MTCL2: variants seen among roughly 807,000 people sequenced by gnomAD.
MTCL2 encodes the protein microtubule cross-linking factor 2.
chr20:36,815,852 A>G, the MTCL2 span: 2 of 1,602,220 alleles, frequency 1.2e-6, no homozygotes, highest in Admixed American at 3.4e-5. This position sits in a 1 kb window ranked among gnomAD's most constrained non-coding sequence, Gnocchi z 5.3. Flanking sequence ...CGAGCTCGGC[A>G]GAGGAGCGCC....
At chr20:36,863,074 C>A in the MTCL2 span, 1 of 1,401,770 alleles carries the variant, frequency 7.1e-7, no homozygotes, top group Non-Finnish European at 9.3e-7. The surrounding 1 kb of genome is among the most constrained non-coding windows in gnomAD (Gnocchi z 6.2). Flanking sequence ...CCGGTGCGGA[C>A]CCCGGCCACC....
the MTCL2 span, chr20:36,812,789 C>A: frequency 1.2e-6 from 2 of 1,613,732 alleles, no homozygotes; most frequent in Non-Finnish European, 1.7e-6. Context: ...GTCACCAGTG[C>A]GGAAAGCCTC....
At chr20:36,827,833 T>C in the MTCL2 span, among the ~76,000 whole-genome samples, 2 of 152,290 alleles carry the variant, frequency 1.3e-5, no homozygotes, top group South Asian at 2.1e-4. Context: ...CCCTTTTCAC[T>C]ATCAAGGGTT....
the MTCL2 span, among the ~76,000 whole-genome samples, chr20:36,810,985 G>A: frequency 1.3e-5 from 2 of 152,072 alleles, no homozygotes; most frequent in African/African-American, 2.4e-5. Flanking sequence ...GCCTCCCAAA[G>A]TGCTGAAATT....
the MTCL2 span, among the ~76,000 whole-genome samples, chr20:36,828,361 A>ATG: frequency 2.0e-5 from 3 of 152,182 alleles, no homozygotes; most frequent in African/African-American, 7.2e-5. Flanking sequence ...GCTCATCCAC[A>ATG]AAATGGGCAT....
the MTCL2 span, among the ~76,000 whole-genome samples, chr20:36,851,230 T>C: frequency 6.6e-6 from 1 of 152,118 alleles, no homozygotes; most frequent in Non-Finnish European, 1.5e-5. Context: ...TATTATACAG[T>C]ATATTGTATA....
chr20:36,839,771 C>T, the MTCL2 span, among the ~76,000 whole-genome samples: 10 of 152,164 alleles, frequency 6.6e-5, no homozygotes, highest in African/African-American at 2.2e-4. The surrounding 1 kb of genome is among the most constrained non-coding windows in gnomAD (Gnocchi z 5.1). Flanking sequence ...AAAGGTTTCT[C>T]CCCTGGAGCC....
chr20:36,851,243 GTTGTACAGTATA>G, the MTCL2 span, among the ~76,000 whole-genome samples: 52 of 150,824 alleles, frequency 3.4e-4, no homozygotes, highest in East Asian at 8.3e-3. Flanking sequence ...ATTGTATATA[GTTGTACAGTATA>G]TTGTACAGTA....
the MTCL2 span, chr20:36,793,847 A>G: frequency 2.6e-6 from 4 of 1,546,092 alleles, no homozygotes; most frequent in South Asian, 2.4e-5. The surrounding 1 kb of genome is among the most constrained non-coding windows in gnomAD (Gnocchi z 6.8). Context: ...GCGCACAGAC[A>G]CGAGCGAAGA....
At chr20:36,792,342 T>C in the MTCL2 span, among the ~76,000 whole-genome samples, 2 of 152,004 alleles carry the variant, frequency 1.3e-5, no homozygotes, top group African/African-American at 4.8e-5. Context: ...ACCCCGTCTC[T>C]ACTAAAAAAT....
At chr20:36,850,287 G>A in the MTCL2 span, among the ~76,000 whole-genome samples, 1 of 152,122 alleles carries the variant, frequency 6.6e-6, no homozygotes. Flanking sequence ...CCAGCACTTT[G>A]GGAGGCCGAG....
At chr20:36,854,411 G>A in the MTCL2 span, among the ~76,000 whole-genome samples, 2 of 152,180 alleles carry the variant, frequency 1.3e-5, no homozygotes, top group South Asian at 2.1e-4. Flanking sequence ...AGCCTGACCT[G>A]GGGAGCTGCT....
chr20:36,847,129 T>A, the MTCL2 span, among the ~76,000 whole-genome samples: 1 of 152,244 alleles, frequency 6.6e-6, no homozygotes, highest in African/African-American at 2.4e-5. Flanking sequence ...AGGTAGGTGC[T>A]GAAAACGTTC....
At chr20:36,806,071 C>T in the MTCL2 span, 1 of 717,844 alleles carries the variant, frequency 1.4e-6, no homozygotes. Flanking sequence ...GCCCTCCTAG[C>T]CTCCCACGAC....
the MTCL2 span, chr20:36,862,790 C>G: frequency 2.8e-6 from 4 of 1,423,662 alleles, no homozygotes; most frequent in South Asian, 5.8e-5. Flanking sequence ...TGCTGCCCAC[C>G]GACGACGCGG....
At chr20:36,784,361 G>T in the MTCL2 span, 1 of 985,842 alleles carries the variant, frequency 1.0e-6, no homozygotes, top group African/African-American at 1.7e-5. Context: ...TGTTCAGCCT[G>T]CAGGGAAGGG....
At chr20:36,835,023 C>T in the MTCL2 span, among the ~76,000 whole-genome samples, 1 of 151,998 alleles carries the variant, frequency 6.6e-6, no homozygotes, top group South Asian at 2.1e-4. Context: ...AAAACCACAA[C>T]CAATACATGT....
At chr20:36,835,617 C>T in the MTCL2 span, among the ~76,000 whole-genome samples, 1 of 152,218 alleles carries the variant, frequency 6.6e-6, no homozygotes, top group South Asian at 2.1e-4. Context: ...TGATAACTTC[C>T]CAAAACCCCC....
the MTCL2 span, among the ~76,000 whole-genome samples, chr20:36,858,016 C>T: frequency 6.6e-6 from 1 of 152,110 alleles, no homozygotes; most frequent in African/African-American, 2.4e-5. Context: ...CTCCGGGCCC[C>T]CAGCATGCCT....
Sources: allele counts gnomAD v4.1 joint callset (sites outside exome capture counted in the v4.1 genomes callset), GRCh38; gene constraint gnomAD v4.1.1; non-coding constraint Gnocchi (gnomAD v3.1); transcripts MANE v1.5; gene names NCBI Gene and HGNC (gene_info 2026-07-23, HGNC 2026-07-21).